MSH4: variants seen among roughly 807,000 people sequenced by gnomAD.
The protein encoded by MSH4 is mutS protein homolog 4.
A neutral mutation model predicts 113.7 loss-of-function variants in MSH4; 106 were observed. The ratio of observed to expected loss-of-function variants is 0.93; its 90% CI spans 0.80 to 1.10. The LOEUF (loss-of-function observed/expected upper bound fraction) is 1.10, where lower values mean the gene tolerates loss of function less well. Ranked by LOEUF, MSH4 falls within the 50% of genes least tolerant of loss-of-function variation. MSH4 has a pLI of 0.00. For synonymous variants in MSH4, 368 were observed against 380.2 expected (o/e 0.97, Z 0.37); for missense variants, 1,061 against 1,093.7 (o/e 0.97, Z 0.42).
chr1:75,851,933 T>C (rs764410487), intron 8 of MSH4, among the ~76,000 whole-genome samples: 2 of 152,242 alleles, frequency 1.3e-5, no homozygotes, highest in Non-Finnish European at 2.9e-5. Context: ...TTGTCTTTAA[T>C]GCATTCACAG....
chr1:75,878,017 T>A (rs1330796258), intron 10 of MSH4, 132 bp from the exon 11 acceptor site: 1 of 646,060 alleles, frequency 1.5e-6, no homozygotes, highest in East Asian at 3.0e-5. Context: ...ATTTAAATAT[T>A]TGTTGCTTAA....
At chr1:75,858,891 G>T (rs917273925) in intron 8 of MSH4, among the ~76,000 whole-genome samples, 4 of 152,132 alleles carry the variant, frequency 2.6e-5, no homozygotes, top group Non-Finnish European at 4.4e-5. Context: ...AATCCATCTG[G>T]TCCTGGACTT....
Position 75,852,195 on chromosome 1 carries a change from G to A in MSH4, c.1230+3919G>A, listed in dbSNP as rs997754449. Reference sequence around the variant, plus strand: ...TTAGCATAACGTTTTCAAGTTTCATGTTGTAGCATTTATCAATACTTTATT... The same window carrying A: ...TTAGCATAACGTTTTCAAGTTTCATATTGTAGCATTTATCAATACTTTATT... On this transcript the variant is annotated intron_variant, in intron 8 of 19. Transcript: ENST00000263187. Among the ~76,000 whole-genome samples the A allele has an allele frequency of 2.0e-5, 3 of 152,264 alleles. No individual in the cohort carries two copies. In the East Asian group the frequency reaches 5.8e-4, roughly 29 times the overall value.
chr1:75,806,478 G>A (rs1437803912), intron 2 of MSH4, among the ~76,000 whole-genome samples: 2 of 151,574 alleles, frequency 1.3e-5, no homozygotes, highest in East Asian at 1.9e-4. Flanking sequence ...CGATTTCCTG[G>A]CCTTGTGATC....
In MSH4 at chr1:75,883,628, A is replaced by C. The variant is rs1262155790; in HGVS notation, c.1914A>C (p.Pro638=). ...TCTATTTTTTTTCTTAAGTTCGACC[A>C]GAATTTACTGATACTTTAGCAATCA... ...HACTLSDYVR[P]EFTDTLAIKQ... The change falls in exon 15 of 20, where the codon CCA becomes CCC. Residue 638 remains proline (P), a synonymous_variant. Transcript: ENST00000263187. 6.2e-7 allele frequency: 1 copy of C among 1,607,216 alleles called. No homozygotes were observed. Among genetic ancestry groups the C allele is most frequent in the Non-Finnish European group, 8.5e-7 (1 of 1,178,112 alleles).
chr1:75,834,118 A>C, intron 7 of MSH4, among the ~76,000 whole-genome samples: 1 of 152,240 alleles, frequency 6.6e-6, no homozygotes, highest in East Asian at 1.9e-4. Context: ...AAGTGGGCAA[A>C]GGATATGAAC....
chr1:75,815,340 A>G (rs1650273358), intron 5 of MSH4, among the ~76,000 whole-genome samples: 1 of 152,222 alleles, frequency 6.6e-6, no homozygotes, highest in African/African-American at 2.4e-5. Flanking sequence ...AAATAGTGAA[A>G]TAGTTGACTA....
Position 75,848,286 on chromosome 1 carries a change from T to C in MSH4, c.1230+10T>C, listed in dbSNP as rs1651117982. ...TCCAAAGCAAGACACGGTATGTTTT[T>C]GTATACATTTTGTATTATATTATTA... On this transcript the variant is annotated intron_variant, in intron 8 of 19. Coordinates refer to ENST00000263187, the MANE Select transcript of MSH4 (RefSeq NM_002440.4). 6.4e-7 allele frequency: 1 copy of C among 1,558,166 alleles called. No individual in the cohort carries two copies.
chr1:75,811,783 T>C (rs1262192228), intron 4 of MSH4, among the ~76,000 whole-genome samples: 1 of 152,202 alleles, frequency 6.6e-6, no homozygotes, highest in Non-Finnish European at 1.5e-5. Flanking sequence ...TTTAGACTTA[T>C]CTTTTACTTT....
chr1:75,801,660 G>A (rs1379712062), intron 1 of MSH4, among the ~76,000 whole-genome samples: 1 of 151,744 alleles, frequency 6.6e-6, no homozygotes, highest in African/African-American at 2.4e-5. Context: ...GATTGCTTGA[G>A]GCCAGGTGTT....
At chr1:75,836,983 T>A (rs1336347258) in intron 7 of MSH4, among the ~76,000 whole-genome samples, 2 of 152,242 alleles carry the variant, frequency 1.3e-5, no homozygotes, top group Non-Finnish European at 2.9e-5. Context: ...CTCAAATATC[T>A]TATTGCCTTC....
At chr1:75,819,981 GC>G (rs1484853072) in intron 6 of MSH4, among the ~76,000 whole-genome samples, 8 of 152,052 alleles carry the variant, frequency 5.3e-5, no homozygotes, top group Non-Finnish European at 7.4e-5. Flanking sequence ...CTCCCAAAGT[GC>G]TGGGAATACA....
chr1:75,863,707 G>T (rs917676354), intron 8 of MSH4, among the ~76,000 whole-genome samples: 2 of 151,980 alleles, frequency 1.3e-5, no homozygotes, highest in African/African-American at 4.8e-5. Flanking sequence ...GTGGTTAATG[G>T]CAGTGCTCAT....
chr1:75,845,081 G>T (rs912893471), intron 7 of MSH4, among the ~76,000 whole-genome samples: 1 of 152,222 alleles, frequency 6.6e-6, no homozygotes, highest in Non-Finnish European at 1.5e-5. Flanking sequence ...TGAGGGCAGA[G>T]CCCTCTTCAC....
intron 1 of MSH4, among the ~76,000 whole-genome samples, chr1:75,801,925 T>G (rs930194176): frequency 6.6e-6 from 1 of 151,968 alleles, no homozygotes; most frequent in African/African-American, 2.4e-5. Flanking sequence ...TCCCAGCATT[T>G]TGGGAGGCTG....
chr1:75,863,522 A>G (rs935533745), intron 8 of MSH4, among the ~76,000 whole-genome samples: 10 of 151,934 alleles, frequency 6.6e-5, no homozygotes, highest in Non-Finnish European at 8.8e-5. Context: ...GTAAAGCAAT[A>G]TTTTTTGGAA....
chr1:75,885,059 G>GTATATATATATATA (rs1198722667), intron 15 of MSH4, among the ~76,000 whole-genome samples: 43 of 112,556 alleles, frequency 3.8e-4, no homozygotes, highest in African/African-American at 1.5e-3. Context: ...GTGTGTGTGT[G>GTATATATATATATA]TATATATATA....
At position 75,846,330 on chromosome 1, in the gene MSH4, T is replaced by C. The variant is rs1337209497; in HGVS notation, c.1163-1879T>C. Among the ~76,000 whole-genome samples the C allele has an allele frequency of 7.9e-5, 12 of 152,370 alleles. No individual in the cohort carries two copies. In the East Asian group the frequency reaches 2.3e-3, roughly 29 times the overall value. The stretch of plus-strand genomic sequence containing the variant: ...TTTTATGTGGCCAGGCTAAGAGTTT[T>C]CATAATTTGTTTATTCTGCTTCTTT... On this transcript the variant is annotated intron_variant, in intron 7 of 19. Transcript: ENST00000263187.
intron 1 of MSH4, among the ~76,000 whole-genome samples, chr1:75,798,799 C>A (rs1220742069): frequency 3.9e-5 from 6 of 152,078 alleles, no homozygotes; most frequent in Non-Finnish European, 8.8e-5. Flanking sequence ...CTCAAGCGAT[C>A]CTCCTACCTC....
Sources: gnomAD v4.1 joint callset for allele counts (sites outside exome capture counted in the v4.1 genomes callset) on GRCh38, gnomAD v4.1.1 for gene constraint, MANE v1.5 for transcripts, NCBI Gene and HGNC (gene_info 2026-07-23, HGNC 2026-07-21) for gene names.